Variants in NBEA observed in about 807,000 individuals in gnomAD.
The protein encoded by NBEA is lysosomal-trafficking regulator 2.
In NBEA, 44 loss-of-function variants were observed where a neutral mutation model predicts 343.4. That is an observed-to-expected ratio of 0.13 (90% CI 0.10 to 0.16). NBEA has a LOEUF of 0.16. Among genes scored for constraint, NBEA ranks in the 10% least tolerant of loss-of-function variants. The pLI, the probability that NBEA is intolerant of heterozygous loss-of-function variation, is 1.00. For synonymous variants in NBEA, 1,175 were observed against 1,238.7 expected (o/e 0.95, Z 1.08); for missense variants, 2,555 against 3,631.3 (o/e 0.70, Z 7.62).
rs1302790801 is a variant in NBEA, at chr13:35,155,764, C to T, written c.2446-10C>T. Reference sequence around the variant, plus strand: ...TTTTCTAAATGAAGTTCAAATTCTTCATTTTTCAGATCTTGACAGAACAAG... The same window carrying T: ...TTTTCTAAATGAAGTTCAAATTCTTTATTTTTCAGATCTTGACAGAACAAG... On this transcript the variant is annotated splice_polypyrimidine_tract_variant and intron_variant, in intron 18 of 58. Coordinates refer to ENST00000379939, the MANE Select transcript of NBEA (RefSeq NM_001385012.1). 1.9e-6 allele frequency: 3 copies of T among 1,589,498 alleles called. No individual in the cohort carries two copies. Among genetic ancestry groups the T allele is most frequent in the Non-Finnish European group, 2.6e-6 (3 of 1,159,078 alleles).
At chr13:35,531,989 T>C (rs1156243357) in intron 41 of NBEA, among the ~76,000 whole-genome samples, 1 of 152,232 alleles carries the variant, frequency 6.6e-6, no homozygotes, top group East Asian at 1.9e-4. Flanking sequence ...AAGCTTGTAC[T>C]GGACCTGAGA....
intron 17 of NBEA, among the ~76,000 whole-genome samples, chr13:35,132,018 T>C (rs2067457213): frequency 6.6e-6 from 1 of 152,198 alleles, no homozygotes; most frequent in South Asian, 2.1e-4. Flanking sequence ...GCATTGCTGA[T>C]GGAATGTAGA....
chr13:35,507,766 C>A (rs1428174473), intron 41 of NBEA, among the ~76,000 whole-genome samples: 1 of 152,112 alleles, frequency 6.6e-6, no homozygotes, highest in African/African-American at 2.4e-5. Flanking sequence ...TCTGGGTATT[C>A]TTTAATTTTG....
chr13:35,140,290 A>G (rs935606374), intron 17 of NBEA, among the ~76,000 whole-genome samples: 10 of 152,114 alleles, frequency 6.6e-5, no homozygotes, highest in African/African-American at 2.4e-4. Context: ...CTGGGATTAC[A>G]GGCATGAGGC....
intron 52 of NBEA, among the ~76,000 whole-genome samples, chr13:35,650,678 G>T (rs1417274181): frequency 6.6e-6 from 1 of 152,130 alleles, no homozygotes; most frequent in Non-Finnish European, 1.5e-5. Flanking sequence ...CTCCAGCCTG[G>T]ACGACAAAGT....
intron 31 of NBEA, among the ~76,000 whole-genome samples, chr13:35,206,434 C>G (rs2152749184): frequency 6.6e-6 from 1 of 152,250 alleles, no homozygotes; most frequent in Middle Eastern, 3.4e-3. Flanking sequence ...GAGCATTATA[C>G]TTTCACTAAT....
At chr13:35,317,186 A>G (rs1011859021) in intron 36 of NBEA, among the ~76,000 whole-genome samples, 1 of 152,190 alleles carries the variant, frequency 6.6e-6, no homozygotes, top group Non-Finnish European at 1.5e-5. Context: ...GTCTTTGCCC[A>G]TGCCTATGTC....
At chr13:35,253,581 C>T (rs2032232543) in intron 34 of NBEA, among the ~76,000 whole-genome samples, 1 of 152,128 alleles carries the variant, frequency 6.6e-6, no homozygotes, top group Non-Finnish European at 1.5e-5. Flanking sequence ...TGTTGATCAT[C>T]ATTATATTAT....
intron 35 of NBEA, among the ~76,000 whole-genome samples, chr13:35,295,206 T>A: frequency 6.7e-6 from 1 of 150,254 alleles, no homozygotes. Context: ...CAATGTGTAA[T>A]CCAATACCTT....
chr13:35,164,288 A>T, intron 23 of NBEA, 68 bp from the exon 24 acceptor site: 3 of 1,359,268 alleles, frequency 2.2e-6, no homozygotes, highest in African/African-American at 1.5e-5. Flanking sequence ...TTCACTTGTT[A>T]TTCTAATTGT....
chr13:35,603,189 CT>C (rs2082133886), intron 47 of NBEA, among the ~76,000 whole-genome samples: 2 of 152,124 alleles, frequency 1.3e-5, no homozygotes, highest in Non-Finnish European at 2.9e-5. Flanking sequence ...TTCTGACCAT[CT>C]GTGTATTCCC....
intron 47 of NBEA, among the ~76,000 whole-genome samples, chr13:35,597,707 G>T (rs1312183327): frequency 6.6e-6 from 1 of 152,128 alleles, no homozygotes; most frequent in Non-Finnish European, 1.5e-5. Flanking sequence ...CACAGAGTCT[G>T]TCCAGTTATT....
chr13:35,254,747 T>C (rs1166118418), intron 34 of NBEA, among the ~76,000 whole-genome samples: 1 of 152,172 alleles, frequency 6.6e-6, no homozygotes, highest in African/African-American at 2.4e-5. Flanking sequence ...ATACTATTTT[T>C]AGTTCAAATT....
At chr13:35,156,615 A>T (rs984533186) in intron 20 of NBEA, among the ~76,000 whole-genome samples, 2 of 152,142 alleles carry the variant, frequency 1.3e-5, no homozygotes, top group Non-Finnish European at 2.9e-5. Context: ...AACATGGGGT[A>T]AAGTCTGAGG....
chr13:35,631,637 G>GT (rs1285660463), intron 49 of NBEA, among the ~76,000 whole-genome samples: 6 of 28,262 alleles, frequency 2.1e-4, no homozygotes, highest in African/African-American at 9.0e-4. Flanking sequence ...TGTCTCCTTT[G>GT]TAAAAAAAAA....
At chr13:35,067,928 G>T (rs2063715366) in intron 8 of NBEA, among the ~76,000 whole-genome samples, 1 of 151,888 alleles carries the variant, frequency 6.6e-6, no homozygotes, top group South Asian at 2.1e-4. Flanking sequence ...TAGAGATGGG[G>T]TCTCTCTGTG....
chr13:35,620,430 TTA>T (rs1315280940), intron 48 of NBEA, among the ~76,000 whole-genome samples: 1 of 151,906 alleles, frequency 6.6e-6, no homozygotes, highest in Non-Finnish European at 1.5e-5. Context: ...AGCAAAGGCC[TTA>T]TGGCAGGGAT....
At chr13:34,964,590 T>C (rs570891511) in intron 1 of NBEA, among the ~76,000 whole-genome samples, 1 of 152,152 alleles carries the variant, frequency 6.6e-6, no homozygotes, top group East Asian at 1.9e-4. Context: ...TGTTTGTTTC[T>C]GTCTGCACTA....
intron 24 of NBEA, among the ~76,000 whole-genome samples, chr13:35,165,343 C>T (rs1223508197): frequency 1.3e-5 from 2 of 152,180 alleles, no homozygotes; most frequent in Non-Finnish European, 1.5e-5. Flanking sequence ...GCTATATCCT[C>T]ACACACTTTC....
Sources: gnomAD v4.1 joint callset for allele counts (sites outside exome capture counted in the v4.1 genomes callset) on GRCh38, gnomAD v4.1.1 for gene constraint, MANE v1.5 for transcripts, NCBI Gene and HGNC (gene_info 2026-07-23, HGNC 2026-07-21) for gene names.